The following TANC2 variants were observed in gnomAD, a reference collection of about 807,000 sequenced individuals.
TANC2 encodes the protein protein TANC2.
In TANC2, 26 loss-of-function variants were observed where a neutral mutation model predicts 210.5. The observed-to-expected ratio is 0.12, with a 90% CI of 0.09 to 0.17. The LOEUF (loss-of-function observed/expected upper bound fraction) is 0.17, where lower values mean the gene tolerates loss of function less well. Among genes scored for constraint, TANC2 ranks in the 10% least tolerant of loss-of-function variants. TANC2 has a pLI of 1.00. For synonymous variants in TANC2, 931 were observed against 967.1 expected (o/e 0.96, Z 0.69); for missense variants, 2,129 against 2,608.9 (o/e 0.82, Z 4.01).
chr17:63,147,983 T>C (rs188391554), intron 4 of TANC2, among the ~76,000 whole-genome samples: 2 of 152,334 alleles, frequency 1.3e-5, no homozygotes, highest in Admixed American at 1.3e-4. Flanking sequence ...TTTTAGAACA[T>C]TTATTCTGGG....
chr17:63,292,949 C>G (rs1019148694), intron 9 of TANC2, among the ~76,000 whole-genome samples: 1 of 152,094 alleles, frequency 6.6e-6, no homozygotes, highest in Non-Finnish European at 1.5e-5. Flanking sequence ...CACAGTTTAC[C>G]CTCCCTGCTA....
At chr17:63,027,922 C>T (rs1478524005) in intron 2 of TANC2, among the ~76,000 whole-genome samples, 1 of 151,986 alleles carries the variant, frequency 6.6e-6, no homozygotes, top group East Asian at 1.9e-4. Context: ...CACCTCATTC[C>T]ATTTTCATAG....
intron 11 of TANC2, 131 bp downstream of exon 11, chr17:63,319,221 C>T (rs1350365744): frequency 2.1e-6 from 2 of 956,698 alleles, no homozygotes; most frequent in African/African-American, 1.7e-5. Flanking sequence ...AGGAAAGTTT[C>T]TCTTTCTTTG....
At chr17:63,011,513 A>T (rs1332018035) in intron 2 of TANC2, among the ~76,000 whole-genome samples, 1 of 152,134 alleles carries the variant, frequency 6.6e-6, no homozygotes, top group Non-Finnish European at 1.5e-5. Flanking sequence ...GAAAAGTGTG[A>T]TAAAATACCA....
At chr17:63,243,203 C>G (rs2042822766) in intron 8 of TANC2, among the ~76,000 whole-genome samples, 1 of 152,144 alleles carries the variant, frequency 6.6e-6, no homozygotes, top group Non-Finnish European at 1.5e-5. Flanking sequence ...CAATGGCAAG[C>G]AACACAAGGA....
exon 28 of TANC2, chr17:63,422,199 A>G (rs2049042320): frequency 2.2e-6 from 1 of 453,296 alleles, no homozygotes; most frequent in Non-Finnish European, 3.9e-6. Context: ...TCAGATGCCA[A>G]CGAGGAGATT....
chr17:63,314,274 A>G, intron 9 of TANC2, 114 bp from the exon 10 acceptor site: 1 of 1,145,180 alleles, frequency 8.7e-7, no homozygotes, highest in South Asian at 1.5e-5. Flanking sequence ...GAATAAGCCT[A>G]GGATGCCATC....
chr17:63,414,681 A>G (rs996177723), intron 25 of TANC2, among the ~76,000 whole-genome samples: 2 of 152,214 alleles, frequency 1.3e-5, no homozygotes, highest in African/African-American at 4.8e-5. Flanking sequence ...TCCTTAGTGA[A>G]TGGTGCTAAG....
intron 2 of TANC2, among the ~76,000 whole-genome samples, chr17:63,051,109 C>T (rs185205210): frequency 1.1e-3 from 163 of 152,190 alleles, no homozygotes; most frequent in African/African-American, 3.8e-3. Flanking sequence ...TGCATAATGC[C>T]CATCATTTTC....
At chr17:63,203,333 A>G (rs2041596689) in intron 7 of TANC2, among the ~76,000 whole-genome samples, 1 of 152,168 alleles carries the variant, frequency 6.6e-6, no homozygotes, top group East Asian at 1.9e-4. Context: ...TCTTTATCCT[A>G]CTAAATATGA....
rs2044100176 is a variant in TANC2, at chr17:63,282,817, G to C, written c.1159+14944G>C. On this transcript the variant is annotated intron_variant, in intron 9 of 27. Coordinates refer to ENST00000689528, the Ensembl canonical transcript of TANC2. ...CTTCCTGTGCGCCTATTTGCTATCT[G>C]AACATCCTCTTTAAGTTGTGAAACT... 2.6e-5 allele frequency among the ~76,000 whole-genome samples: 4 copies of C among 151,944 alleles called. No homozygotes were observed. In the East Asian group the frequency reaches 7.7e-4, roughly 29 times the overall value.
At chr17:63,026,943 AAAG>A (rs1598278506) in intron 2 of TANC2, among the ~76,000 whole-genome samples, 2 of 152,254 alleles carry the variant, frequency 1.3e-5, no homozygotes, top group East Asian at 3.9e-4. Context: ...CCATGTTGGT[AAAG>A]AAGGAAGACA....
chr17:63,265,802 TTC>T lies in TANC2; in HGVS notation c.1034-1944_1034-1943del, dbSNP rs199698533. On this transcript the variant is annotated intron_variant, in intron 8 of 27. Coordinates refer to ENST00000689528, the Ensembl canonical transcript of TANC2. ...GACAGAATGTCTTCATTGTTACACT[TTC>T]TGTTTTTTTTTTGTTTCCCTTTAAA... Among the ~76,000 whole-genome samples the T allele has an allele frequency of 4.2e-3, 632 of 150,904 alleles. 5 individuals are homozygous for T. Among genetic ancestry groups the T allele is most frequent in the African/African-American group, 0.014 (596 of 41,470 alleles).
chr17:63,199,144 T>C (rs1442881748), intron 6 of TANC2, among the ~76,000 whole-genome samples: 1 of 152,190 alleles, frequency 6.6e-6, no homozygotes, highest in Non-Finnish European at 1.5e-5. Context: ...AGAGCCTTAA[T>C]ATTCTCATAG....
chr17:63,000,500 T>A (rs1180569803), intron 1 of TANC2, among the ~76,000 whole-genome samples: 2 of 152,204 alleles, frequency 1.3e-5, no homozygotes, highest in Admixed American at 1.3e-4. Flanking sequence ...CCAGCCTTAG[T>A]GGACCATTAA....
chr17:63,275,959 AAATT>A (rs1200569365), intron 9 of TANC2, among the ~76,000 whole-genome samples: 4 of 152,174 alleles, frequency 2.6e-5, no homozygotes, highest in African/African-American at 9.6e-5. Context: ...GTTTTGATCT[AAATT>A]AAAGAATAAA....
At chr17:63,092,403 T>C (rs1470894958) in intron 3 of TANC2, among the ~76,000 whole-genome samples, 1 of 152,058 alleles carries the variant, frequency 6.6e-6, no homozygotes, top group African/African-American at 2.4e-5. Flanking sequence ...TTTTTAGCCA[T>C]TTTACTAGGT....
intron 1 of TANC2, among the ~76,000 whole-genome samples, chr17:63,003,982 A>G (rs188791875): frequency 1.3e-5 from 2 of 152,244 alleles, no homozygotes; most frequent in African/African-American, 2.4e-5. Flanking sequence ...TGGGCAGACA[A>G]TCATTAACAG....
intron 4 of TANC2, among the ~76,000 whole-genome samples, chr17:63,117,427 C>T (rs1418845388): frequency 6.6e-6 from 1 of 152,146 alleles, no homozygotes; most frequent in East Asian, 1.9e-4. Context: ...GAAAAGAACT[C>T]GTCTGTGTAA....
Sources: allele counts gnomAD v4.1 joint callset (sites outside exome capture counted in the v4.1 genomes callset), GRCh38; gene constraint gnomAD v4.1.1; transcripts MANE v1.5; gene names NCBI Gene and HGNC (gene_info 2026-07-23, HGNC 2026-07-21).